FER1L6: variants seen among roughly 807,000 people sequenced by gnomAD.
FER1L6 encodes fer-1 like family member 6, also known as fer-1-like protein 6.
A neutral mutation model predicts 219.2 loss-of-function variants in FER1L6; 177 were observed. That is an observed-to-expected ratio of 0.81 (90% CI 0.71 to 0.91). The LOEUF (loss-of-function observed/expected upper bound fraction) is 0.91. Ranked by LOEUF, FER1L6 falls within the 40% of genes least tolerant of loss-of-function variation. The pLI, the probability that FER1L6 is intolerant of heterozygous loss-of-function variation, is 0.00. For synonymous variants in FER1L6, 768 were observed against 824.3 expected, an observed-to-expected ratio of 0.93 and a Z score of 1.17; for missense variants, 2,153 against 2,259.9, an observed-to-expected ratio of 0.95 and a Z score of 0.96.
chr8:124,022,479 C>T (rs1439117820), intron 17 of FER1L6, among the ~76,000 whole-genome samples: 2 of 152,176 alleles, frequency 1.3e-5, no homozygotes. Context: ...ACATAATGGG[C>T]CACTTGGCAT....
chr8:124,095,825 C>A (rs532952458), intron 35 of FER1L6, among the ~76,000 whole-genome samples: 94 of 152,318 alleles, frequency 6.2e-4, no homozygotes, highest in African/African-American at 2.2e-3. Context: ...TTATGATCCT[C>A]ACTTTTACAA....
At chr8:124,113,202 T>C (rs756155093) in intron 39 of FER1L6, among the ~76,000 whole-genome samples, 3 of 152,206 alleles carry the variant, frequency 2.0e-5, no homozygotes, top group African/African-American at 7.2e-5. Flanking sequence ...TTTAAAAAAT[T>C]TGAGCACACA....
chr8:124,028,980 C>A (rs933691701), intron 18 of FER1L6, among the ~76,000 whole-genome samples: 5 of 152,102 alleles, frequency 3.3e-5, no homozygotes, highest in Non-Finnish European at 7.4e-5. Context: ...ATGTTCCTGT[C>A]CATGTGTTCT....
At position 124,119,638 on chromosome 8, in the gene FER1L6, A is replaced by AGC; in HGVS notation, c.5423_5424dup (p.Pro1809AlafsTer63). The AGC allele has an allele frequency of 6.2e-7, 1 of 1,613,454 alleles. No homozygotes were observed. Reference sequence around the variant, plus strand: ...AGACACCTCCTTTTCGTGGTTCATGAGCCCCTTTAAGTGCCTGTACTACCT... The same window carrying AGC: ...AGACACCTCCTTTTCGTGGTTCATGAGCGCCCCTTTAAGTGCCTGTACTACCT... On this transcript the variant is annotated frameshift_variant, in exon 41 of 41. Transcript: ENST00000522917. LOFTEE classifies it high-confidence loss of function.
intron 20 of FER1L6, 29 bp from the exon 21 acceptor site, chr8:124,045,738 T>G: frequency 6.2e-7 from 1 of 1,613,172 alleles, no homozygotes; most frequent in Non-Finnish European, 8.5e-7. Context: ...TTGAATGATC[T>G]TTTGCTTTTC....
At chr8:123,901,539 TGG>T (rs2129734685) in intron 1 of FER1L6, among the ~76,000 whole-genome samples, 1 of 60,604 alleles carries the variant, frequency 1.7e-5, no homozygotes, top group Non-Finnish European at 3.5e-5. Flanking sequence ...CTGCTGGGTT[TGG>T]GTTTGGTTTG....
intron 12 of FER1L6, among the ~76,000 whole-genome samples, chr8:123,997,037 T>A (rs1817164349): frequency 6.6e-6 from 1 of 152,188 alleles, no homozygotes; most frequent in South Asian, 2.1e-4. Context: ...TACAAGTAAT[T>A]TAGACACCAC....
At chr8:123,968,462 A>G (rs982497123) in intron 5 of FER1L6, among the ~76,000 whole-genome samples, 4 of 152,168 alleles carry the variant, frequency 2.6e-5, no homozygotes, top group Non-Finnish European at 4.4e-5. Flanking sequence ...GTTGGCCAGG[A>G]GGTCTCGGAA....
chr8:123,994,391 T>C (rs1817025339), intron 12 of FER1L6, among the ~76,000 whole-genome samples: 1 of 152,142 alleles, frequency 6.6e-6, no homozygotes, highest in Non-Finnish European at 1.5e-5. Flanking sequence ...ACTGGGGCAA[T>C]GCTTCAAGAA....
chr8:124,071,376 G>C (rs1447261243), intron 30 of FER1L6, 130 bp from the exon 31 acceptor site: 2 of 1,191,048 alleles, frequency 1.7e-6, no homozygotes, highest in Non-Finnish European at 2.4e-6. Flanking sequence ...CACCCAACTG[G>C]CAAGTTTAGC....
intron 1 of FER1L6, among the ~76,000 whole-genome samples, chr8:123,929,970 T>TG (rs1381100982): frequency 6.6e-6 from 1 of 151,690 alleles, no homozygotes; most frequent in Non-Finnish European, 1.5e-5. Flanking sequence ...GGCACTGTTT[T>TG]TTTTTTTTTA....
chr8:123,911,988 T>C (rs1242858451), intron 1 of FER1L6, among the ~76,000 whole-genome samples: 1 of 152,106 alleles, frequency 6.6e-6, no homozygotes, highest in African/African-American at 2.4e-5. Context: ...CTGGCCTCTA[T>C]TAGCAATAGG....
intron 9 of FER1L6, among the ~76,000 whole-genome samples, chr8:123,976,773 G>C (rs914774648): frequency 1.3e-5 from 2 of 152,050 alleles, no homozygotes; most frequent in Non-Finnish European, 2.9e-5. Flanking sequence ...TCCACCTCCT[G>C]ACCTGTTCCA....
At chr8:123,933,105 G>A (rs7819635) in intron 1 of FER1L6, among the ~76,000 whole-genome samples, 9,912 of 152,258 alleles carry the variant, frequency 0.065, 1,103 homozygotes, top group African/African-American at 0.23. Flanking sequence ...AGGAAGAGGA[G>A]CATCTTTCAG....
chr8:123,854,873 G>A lies in FER1L6; in HGVS notation c.-8+2688G>A, dbSNP rs549162686. 7.2e-5 allele frequency among the ~76,000 whole-genome samples: 11 copies of A among 152,252 alleles called. No individual in the cohort carries two copies. In the South Asian group the frequency reaches 2.3e-3, roughly 32 times the overall value. The stretch of plus-strand genomic sequence containing the variant: ...TTCTGCTATACACTTACCATAATCT[G>A]TCTCGTATCCTAGTTTGTTAAAATT... On this transcript the variant is annotated intron_variant, in intron 1 of 40. Coordinates refer to ENST00000522917, the MANE Select transcript of FER1L6 (RefSeq NM_001039112.2).
chr8:123,889,875 TG>T (rs1426699425), intron 1 of FER1L6, among the ~76,000 whole-genome samples: 1 of 152,086 alleles, frequency 6.6e-6, no homozygotes, highest in Non-Finnish European at 1.5e-5. Flanking sequence ...ATGTTACAGA[TG>T]GTCTGCGTAA....
At chr8:123,886,921 A>G (rs1324613378) in intron 1 of FER1L6, among the ~76,000 whole-genome samples, 1 of 152,170 alleles carries the variant, frequency 6.6e-6, no homozygotes, top group African/African-American at 2.4e-5. Context: ...ATAGTCCCAT[A>G]GACAGTTTTT....
chr8:124,058,443 G>A (rs6988620), intron 22 of FER1L6, among the ~76,000 whole-genome samples: 4,035 of 152,266 alleles, frequency 0.026, 169 homozygotes, highest in African/African-American at 0.092. Context: ...CTGAGTAACT[G>A]CATAGCATAT....
At chr8:123,910,487 C>T (rs1030040703) in intron 1 of FER1L6, among the ~76,000 whole-genome samples, 1 of 152,182 alleles carries the variant, frequency 6.6e-6, no homozygotes, top group African/African-American at 2.4e-5. Context: ...CTCTGTGTGG[C>T]CACATCCTGT....
Sources: gnomAD v4.1 joint callset for allele counts (sites outside exome capture counted in the v4.1 genomes callset) on GRCh38, gnomAD v4.1.1 for gene constraint, MANE v1.5 for transcripts, NCBI Gene and HGNC (gene_info 2026-07-23, HGNC 2026-07-21) for gene names.